Variants in TP63 observed in about 807,000 individuals in gnomAD.
TP63 encodes the protein tumor protein 63.
A neutral mutation model predicts 82.8 loss-of-function variants in TP63; 17 were observed. The observed-to-expected ratio is 0.21, with a 90% CI of 0.14 to 0.31. TP63 has a LOEUF of 0.31. Ranked by LOEUF, TP63 falls within the 10% of genes least tolerant of loss-of-function variation. TP63 has a pLI of 1.00. For synonymous variants in TP63, 330 were observed against 321.7 expected (o/e 1.03, Z -0.28); for missense variants, 648 against 895.3 (o/e 0.72, Z 3.52).
intron 1 of TP63, among the ~76,000 whole-genome samples, chr3:189,723,718 G>C (rs936397943): frequency 2.6e-5 from 4 of 152,122 alleles, no homozygotes; most frequent in African/African-American, 9.7e-5. Context: ...AATGTGCCCT[G>C]ATGATTTAGT....
chr3:189,812,582 A>G (rs574930621), intron 4 of TP63, among the ~76,000 whole-genome samples: 2 of 152,316 alleles, frequency 1.3e-5, no homozygotes, highest in Non-Finnish European at 2.9e-5. Context: ...GAAACTTACT[A>G]ACAGCATATG....
chr3:189,745,734 C>T lies in TP63; in HGVS notation c.324+6960C>T, dbSNP rs534629515. On this transcript the variant is annotated intron_variant, in intron 3 of 13. Transcript: ENST00000264731. ...AAAAAAAAAAAAAAAAAAAAAAAGCCAAACAGAAATTCTGAAACTGATGAA... is the reference window on the plus strand; with the variant it reads ...AAAAAAAAAAAAAAAAAAAAAAAGCTAAACAGAAATTCTGAAACTGATGAA... Among the ~76,000 whole-genome samples, 12 of 114,152 alleles carry T rather than the reference C, an allele frequency of 1.1e-4. No individual in the cohort carries two copies. The East Asian group carries it at 2.8e-3, about 27-fold the overall frequency. 74.9% of individuals were successfully genotyped at this position (114,152 alleles called of 152,430 possible).
chr3:189,864,939 C>A (rs1222752984), intron 5 of TP63, among the ~76,000 whole-genome samples: 4 of 151,820 alleles, frequency 2.6e-5, no homozygotes, highest in Admixed American at 2.0e-4. Flanking sequence ...CCCAGGAGGC[C>A]AAGCTTGCAG....
intron 3 of TP63, among the ~76,000 whole-genome samples, chr3:189,775,202 A>G (rs1289759466): frequency 6.8e-6 from 1 of 147,918 alleles, no homozygotes; most frequent in Non-Finnish European, 1.5e-5. Flanking sequence ...CCTGGGCAAC[A>G]AGAGTAAAAC....
chr3:189,824,332 G>A (rs1474842795), intron 4 of TP63, among the ~76,000 whole-genome samples: 5 of 151,770 alleles, frequency 3.3e-5, no homozygotes, highest in East Asian at 1.9e-4. Context: ...TTCCGGATTC[G>A]AGCCATTCTC....
Position 189,848,239 on chromosome 3 carries a change from TTC to T in TP63, c.580-15963_580-15962del, listed in dbSNP as rs59468983. On this transcript the variant is annotated intron_variant, in intron 4 of 13. Transcript: ENST00000264731. ...CTCTGCCTCCTCCTCCTCCTCCTCC[TTC>T]TCTCTCTCTCTCTCTCTCTCTCTCT... Among the ~76,000 whole-genome samples the T allele has an allele frequency of 7.6e-3, 730 of 95,844 alleles. 17 individuals carry two copies. Among genetic ancestry groups the T allele is most frequent in the African/African-American group, 0.023 (544 of 23,456 alleles). The allele number at this position is 95,844 out of a possible 152,430, so 62.9% of individuals were successfully genotyped here. A position where few individuals can be genotyped will look rare whatever the true frequency, so the allele number is the denominator to read the frequency against.
intron 3 of TP63, among the ~76,000 whole-genome samples, chr3:189,751,074 G>GT (rs1303304011): frequency 6.6e-6 from 1 of 152,092 alleles, no homozygotes. Flanking sequence ...GCGGTGTTTG[G>GT]TTTTCTGTCT....
At chr3:189,620,655 G>A in the TP63 span, among the ~76,000 whole-genome samples, 58 of 152,234 alleles carry the variant, frequency 3.8e-4, 1 homozygote, top group South Asian at 9.5e-3. Flanking sequence ...CAAAAATCAC[G>A]CATCAAAGAT....
chr3:189,671,054 T>G (rs370660745), intron 1 of TP63, among the ~76,000 whole-genome samples: 13 of 152,050 alleles, frequency 8.5e-5, no homozygotes, highest in African/African-American at 3.1e-4. Flanking sequence ...CTAAAAAACT[T>G]GTGCACAGCA....
At chr3:189,823,431 A>G (rs957624369) in intron 4 of TP63, among the ~76,000 whole-genome samples, 9 of 152,276 alleles carry the variant, frequency 5.9e-5, no homozygotes, top group African/African-American at 2.2e-4. Context: ...GCAGTAAAGG[A>G]GAGCAGTTTG....
intron 1 of TP63, among the ~76,000 whole-genome samples, chr3:189,682,552 AAATATATATAT>A (rs1480361389): frequency 3.7e-4 from 9 of 24,044 alleles, no homozygotes; most frequent in African/African-American, 1.6e-3. Context: ...AAAAAAAAAA[AAATATATATAT>A]ATATATATAT....
At chr3:189,708,787 A>G (rs1718381729) in intron 1 of TP63, among the ~76,000 whole-genome samples, 1 of 152,204 alleles carries the variant, frequency 6.6e-6, no homozygotes, top group Non-Finnish European at 1.5e-5. Context: ...AAAAAATAAT[A>G]TGCGAAGGAA....
At chr3:189,616,900 AC>A in the TP63 span, among the ~76,000 whole-genome samples, 1 of 152,330 alleles carries the variant, frequency 6.6e-6, no homozygotes, top group African/African-American at 2.4e-5. Context: ...GTTTCATGCT[AC>A]ATCTTTTTCC....
In TP63 at chr3:189,889,397, C is replaced by G; in HGVS notation, c.1565C>G (p.Thr522Ser). Residue 522 changes from threonine to serine, a missense_variant, in exon 12 of 14, where the codon ACC (threonine) becomes AGC (serine). This residue lies in a region of TP63 where 342 missense variants were observed against 425.7 expected (regional missense o/e 0.80). Coordinates refer to ENST00000264731, the MANE Select transcript of TP63 (RefSeq NM_003722.5). Reference sequence around the variant, plus strand: ...GGAGACATGAATGGACTCAGCCCCACCCAGGCACTCCCTCCCCCACTCTCC... The same window carrying G: ...GGAGACATGAATGGACTCAGCCCCAGCCAGGCACTCCCTCCCCCACTCTCC... ...MAGDMNGLSP[T>S]QALPPPLSMP... The G allele has an allele frequency of 6.2e-7, 1 of 1,614,112 alleles. No homozygotes were observed. Among genetic ancestry groups the G allele is most frequent in the South Asian group, 1.1e-5 (1 of 91,078 alleles).
intron 1 of TP63, among the ~76,000 whole-genome samples, chr3:189,666,300 A>G (rs986318988): frequency 1.3e-5 from 2 of 151,978 alleles, no homozygotes; most frequent in Admixed American, 6.6e-5. Flanking sequence ...TAACAGAGAA[A>G]CTCCACTTAG....
At position 189,680,604 on chromosome 3, in the gene TP63, C is replaced by T. The variant is rs539683775; in HGVS notation, c.62+49027C>T. Among the ~76,000 whole-genome samples, 9 of 152,272 alleles carry T rather than the reference C, an allele frequency of 5.9e-5. No individual in the cohort carries two copies. In the South Asian group the frequency reaches 1.9e-3, roughly 32 times the overall value. Reference sequence around the variant, plus strand: ...TACACCATGATCAAATGGGACTTACCACAAGAATCACAAGGATTGTTCAAC... The same window carrying T: ...TACACCATGATCAAATGGGACTTACTACAAGAATCACAAGGATTGTTCAAC... On this transcript the variant is annotated intron_variant, in intron 1 of 13. Transcript: ENST00000264731.
At chr3:189,738,177 T>G (rs1024379181) in intron 2 of TP63, among the ~76,000 whole-genome samples, 1 of 152,234 alleles carries the variant, frequency 6.6e-6, no homozygotes, top group Non-Finnish European at 1.5e-5. Context: ...ACTTATCTAC[T>G]TTTATAATGC....
chr3:189,763,070 A>G (rs1722696095), intron 3 of TP63, among the ~76,000 whole-genome samples: 1 of 152,152 alleles, frequency 6.6e-6, no homozygotes, highest in African/African-American at 2.4e-5. Context: ...TGGGAGTTCA[A>G]GATCAGCCAG....
the TP63 span, among the ~76,000 whole-genome samples, chr3:189,602,742 A>T: frequency 2.0e-4 from 30 of 152,296 alleles, 1 homozygote; most frequent in East Asian, 1.9e-3. Context: ...TTGTACCAGA[A>T]GTTCCGTTCA....
Sources: gnomAD v4.1 joint callset for allele counts (sites outside exome capture counted in the v4.1 genomes callset) on GRCh38, gnomAD v4.1.1 for gene constraint, gnomAD v4.1.1 regional missense constraint, MANE v1.5 for transcripts, NCBI Gene and HGNC (gene_info 2026-07-23, HGNC 2026-07-21) for gene names.